MACF1: variants seen among roughly 807,000 people sequenced by gnomAD.
MACF1 encodes the protein microtubule-actin cross-linking factor 1.
Under a neutral mutation model 854.8 loss-of-function variants are expected in MACF1, and 193 were observed. That is an observed-to-expected ratio of 0.23 (90% CI 0.20 to 0.25). The LOEUF (loss-of-function observed/expected upper bound fraction) is 0.25, where lower values mean the gene tolerates loss of function less well. MACF1 is among the 10% of genes least tolerant of loss of function. The pLI is 1.00. For missense variants in MACF1, 7,722 were observed against 8,929.1 expected (o/e 0.86, Z 5.45); for synonymous variants, 3,185 against 3,226.7 (o/e 0.99, Z 0.44).
intron 2 of MACF1, among the ~76,000 whole-genome samples, chr1:39,146,275 T>G (rs1285174493): frequency 6.6e-6 from 1 of 152,000 alleles, no homozygotes; most frequent in East Asian, 1.9e-4. Context: ...AAACCCCATC[T>G]CTACTAAAAA....
intron 6 of MACF1, among the ~76,000 whole-genome samples, chr1:39,258,316 GA>G (rs1436741348): frequency 6.6e-6 from 1 of 152,222 alleles, no homozygotes; most frequent in Non-Finnish European, 1.5e-5. Context: ...TTGCTCAGCT[GA>G]ATCAAAATGA....
At chr1:39,360,052 T>C (rs190512928) in intron 47 of MACF1, among the ~76,000 whole-genome samples, 5,204 of 49,360 alleles carry the variant, frequency 0.11, 298 homozygotes, top group African/African-American at 0.17. Flanking sequence ...TATATATATA[T>C]ACACACACAC....
chr1:39,394,250 G>T (rs879669406), intron 58 of MACF1, among the ~76,000 whole-genome samples: 82 of 148,122 alleles, frequency 5.5e-4, no homozygotes, highest in African/African-American at 7.6e-4. Flanking sequence ...TTGATTGATT[G>T]ATTGATTGAT....
intron 58 of MACF1, among the ~76,000 whole-genome samples, chr1:39,417,744 T>TA (rs1643378718): frequency 1.0e-5 from 1 of 99,696 alleles, no homozygotes; most frequent in Non-Finnish European, 2.0e-5. Context: ...TTTTTTTTTT[T>TA]TTTTTGGATT....
At chr1:39,232,032 A>G (rs1644783139) in intron 2 of MACF1, among the ~76,000 whole-genome samples, 1 of 150,320 alleles carries the variant, frequency 6.7e-6, no homozygotes, top group Non-Finnish European at 1.5e-5. Context: ...TATTATCATT[A>G]TTATTATTTT....
In MACF1 at chr1:39,411,078, C is replaced by T. The variant is rs754059931; in HGVS notation, c.15817-11296C>T. 5.6e-6 allele frequency: 9 copies of T among 1,613,496 alleles called. 1 individual carries two copies. In the South Asian group the frequency reaches 7.7e-5, roughly 14 times the overall value. ...CAAAAAGTTTAGCTAAGGGAGGCTT[C>T]AGTGAGAAGCAGCACCCCCTTGGGG... On this transcript the variant is annotated intron_variant, in intron 58 of 100. Transcript: ENST00000564288.
intron 97 of MACF1, among the ~76,000 whole-genome samples, chr1:39,477,075 A>ATACACACATATATACACTTAGTG (rs1557675013): frequency 1.9e-5 from 1 of 51,306 alleles, no homozygotes; most frequent in Non-Finnish European, 3.3e-5. Flanking sequence ...ATATATATAT[A>ATACACACATATATACACTTAGTG]TATATATATA....
At chr1:39,199,186 C>T (rs12141885) in intron 2 of MACF1, among the ~76,000 whole-genome samples, 89,812 of 151,030 alleles carry the variant, frequency 0.59, 28,687 homozygotes, top group South Asian at 0.77. Flanking sequence ...GGGGTTTCAC[C>T]GTGTTAGCCA....
chr1:39,240,762 G>A (rs559802958), intron 2 of MACF1, among the ~76,000 whole-genome samples: 2 of 152,272 alleles, frequency 1.3e-5, no homozygotes, highest in African/African-American at 4.8e-5. Context: ...GCCTCCTAAA[G>A]TGCTGGGATT....
In MACF1 at chr1:39,333,601, C is replaced by G; in HGVS notation, c.7013C>G (p.Ser2338Cys). Residue 2338 changes from serine (S) to cysteine (C), a missense_variant, in exon 37 of 101, where the codon TCT becomes TGT. Ser to Cys is a moderately radical substitution (Grantham distance 112, BLOSUM62 -1). Coordinates refer to ENST00000564288, the MANE Select transcript of MACF1 (RefSeq NM_001394062.1). ...AACATGTTTCAGGGGTTCTTTGACT[C>G]TCAGACTTGTGAGTCTTTGACAACT... Reference protein sequence around the residue: ...KLNMFQGFFDSQTCESLTTEE... With the variant: ...KLNMFQGFFDCQTCESLTTEE... 2 of 1,614,198 alleles carry G rather than the reference C, an allele frequency of 1.2e-6. No homozygotes were observed. The highest frequency in any genetic ancestry group is 1.7e-6 in the Non-Finnish European group (2 of 1,180,038).
At chr1:39,315,444 A>ATGT in intron 26 of MACF1, 69 bp from the exon 27 acceptor site, 1 of 1,454,474 alleles carries the variant, frequency 6.9e-7, no homozygotes, top group South Asian at 1.2e-5. Context: ...GCTATTACAA[A>ATGT]TGTGGACTTC....
Position 39,317,349 on chromosome 1 carries a change from G to C in MACF1, c.3724G>C (p.Glu1242Gln), listed in dbSNP as rs1434841506. Residue 1242 changes from glutamate to glutamine, a missense_variant, in exon 29 of 101, where the codon GAA becomes CAA. By Grantham distance (29) the Glu-to-Gln change is conservative. Transcript: ENST00000564288. The stretch of plus-strand genomic sequence containing the variant: ...AAATCTGGATTTGGAGCGCTATCAG[G>C]AAAAAGGCTCCCAGCTGCAGGAGCG... Reference protein sequence around the residue: ...ERNLDLERYQEKGSQLQERWH... With the variant: ...ERNLDLERYQQKGSQLQERWH... 1 of 1,613,708 alleles carries C rather than the reference G, an allele frequency of 6.2e-7. No homozygotes were observed. The highest frequency in any genetic ancestry group is 8.5e-7 in the Non-Finnish European group (1 of 1,179,944).
intron 15 of MACF1, among the ~76,000 whole-genome samples, chr1:39,288,817 T>C (rs559795287): frequency 6.6e-6 from 1 of 152,272 alleles, no homozygotes; most frequent in African/African-American, 2.4e-5. Context: ...AACAAAAAAA[T>C]GTACAACTAA....
In MACF1 at chr1:39,340,709, A is replaced by G; in HGVS notation, c.10423A>G (p.Ile3475Val). 1 of 1,614,072 alleles carries G rather than the reference A, an allele frequency of 6.2e-7. No homozygotes were observed. The highest frequency in any genetic ancestry group is 8.5e-7 in the Non-Finnish European group (1 of 1,179,970). ...ACTCCACTTCCAGAATGCTGTGGAAATAGAAAAGGTAGCATTTTGCTTTTA... is the reference window on the plus strand; with the variant it reads ...ACTCCACTTCCAGAATGCTGTGGAAGTAGAAAAGGTAGCATTTTGCTTTTA... ...RLLHFQNAVE[I>V]EKTKVLNQHT... The change falls in exon 39 of 101, where the codon ATA becomes GTA. Residue 3475 changes from isoleucine to valine, a missense_variant. By Grantham distance (29) the Ile-to-Val change is conservative (BLOSUM62 3). Transcript: ENST00000564288.
Position 39,105,441 on chromosome 1 carries a change from G to T in MACF1, c.220+21003G>T, listed in dbSNP as rs986841584. On this transcript the variant is annotated intron_variant, in intron 2 of 93. Coordinates refer to the MACF1 transcript ENST00000361689. This position sits in a 1 kb window ranked among gnomAD's most constrained non-coding sequence, Gnocchi z 5.9. ...GGCGGAGCGCGAGCGGGCCGGGTGC[G>T]AGCGGACTGAGGAGCGGAGCGCGAC... is the stretch of plus-strand genomic sequence containing the variant. 1.9e-5 allele frequency: 19 copies of T among 994,314 alleles called. No homozygotes were observed. In the African/African-American group the frequency reaches 3.2e-4, roughly 16 times the overall value. 61.6% of individuals were successfully genotyped at this position (994,314 alleles called of 1,614,324 possible).
chr1:39,479,840 T>A lies in MACF1; in HGVS notation c.22001T>A (p.Leu7334Gln), dbSNP rs555550287. ...TNIELREKFI[L>Q]PEGASQGMTP... ...ATTGAACTTAGAGAGAAATTCATCC[T>A]ACCAGAGGGAGCATCCCAGGGAATG... The change falls in exon 98 of 101, where the codon CTA becomes CAA. Residue 7334 changes from leucine (L) to glutamine (Q), a missense_variant. Leu to Gln is a moderately radical substitution (Grantham distance 113). Transcript: ENST00000564288. 4 of 1,614,270 alleles carry A rather than the reference T, an allele frequency of 2.5e-6. No individual in the cohort carries two copies. The African/African-American group carries it at 5.3e-5, about 22-fold the overall frequency.
intron 2 of MACF1, among the ~76,000 whole-genome samples, chr1:39,234,928 C>T (rs1361220690): frequency 1.3e-5 from 2 of 150,868 alleles, no homozygotes; most frequent in African/African-American, 4.9e-5. Context: ...CAGAGACGCT[C>T]CTCACTTCCT....
Position 39,105,301 on chromosome 1 carries a change from C to A in MACF1, c.220+20863C>A. 2 of 639,516 alleles carry A rather than the reference C, an allele frequency of 3.1e-6. No individual in the cohort carries two copies. Among genetic ancestry groups the A allele is most frequent in the Non-Finnish European group, 3.9e-6 (2 of 514,692 alleles). 39.6% of individuals were successfully genotyped at this position (639,516 alleles called of 1,614,324 possible). On this transcript the variant is annotated intron_variant, in intron 2 of 93. Transcript: ENST00000361689. This position sits in a 1 kb window ranked among gnomAD's most constrained non-coding sequence, Gnocchi z 5.9. ...AGAGGGGGCGGGGAACGGGCCGGGC[C>A]TGGCGCTCCTGACAGGAGGAGCCGC...
intron 79 of MACF1, 80 bp from the exon 80 acceptor site, chr1:39,444,582 C>T: frequency 7.6e-7 from 1 of 1,310,684 alleles, no homozygotes; most frequent in Non-Finnish European, 1.0e-6. Context: ...TGGACTTTCC[C>T]AGACTCTGCT....
Sources: allele counts gnomAD v4.1 joint callset (sites outside exome capture counted in the v4.1 genomes callset), GRCh38; gene constraint gnomAD v4.1.1; non-coding constraint Gnocchi (gnomAD v3.1); transcripts MANE v1.5; gene names NCBI Gene and HGNC (gene_info 2026-07-23, HGNC 2026-07-21).